ANK2: variants seen among roughly 807,000 people sequenced by gnomAD.
The protein encoded by ANK2 is ankyrin-2.
In ANK2, 83 loss-of-function variants were observed where a neutral mutation model predicts 360.5. The observed-to-expected ratio is 0.23, with a 90% CI of 0.19 to 0.28. The LOEUF (loss-of-function observed/expected upper bound fraction) is 0.28, where lower values mean the gene tolerates loss of function less well. Ranked by LOEUF, ANK2 falls within the 10% of genes least tolerant of loss-of-function variation. ANK2 has a pLI of 1.00. For synonymous variants in ANK2, 1,740 were observed against 1,759.5 expected, an observed-to-expected ratio of 0.99 and a Z score of 0.28; for missense variants, 4,201 against 4,795.7, an observed-to-expected ratio of 0.88 and a Z score of 3.66.
intron 1 of ANK2, among the ~76,000 whole-genome samples, chr4:113,069,068 G>C (rs1265509649): frequency 1.3e-5 from 2 of 151,272 alleles, no homozygotes; most frequent in Non-Finnish European, 3.0e-5. Flanking sequence ...GAAAAGAAAA[G>C]AAAAGAAGAG....
At chr4:112,707,650 G>T in the ANK2 span, among the ~76,000 whole-genome samples, 1 of 151,978 alleles carries the variant, frequency 6.6e-6, no homozygotes, top group Non-Finnish European at 1.5e-5. Context: ...TTTATATTTG[G>T]CTAAATATAT....
chr4:113,079,032 T>C (rs2081270466), intron 1 of ANK2, among the ~76,000 whole-genome samples: 1 of 152,278 alleles, frequency 6.6e-6, no homozygotes, highest in Admixed American at 6.5e-5. Context: ...CCCAGAGACG[T>C]TGACTTGCTC....
intron 22 of ANK2, among the ~76,000 whole-genome samples, chr4:113,300,310 T>C (rs773900424): frequency 1.3e-5 from 2 of 152,216 alleles, no homozygotes; most frequent in Non-Finnish European, 2.9e-5. Context: ...CAGGAGACTT[T>C]CTTTACTTTC....
chr4:112,823,571 CAA>C (rs34386421), intron 1 of ANK2, among the ~76,000 whole-genome samples: 26 of 143,408 alleles, frequency 1.8e-4, no homozygotes, highest in Admixed American at 7.5e-4. Flanking sequence ...AGAGGAAATG[CAA>C]AAAAAAAAAA....
rs1280520451 is a variant in ANK2 at position 113,232,275 on chromosome 4, C to A, written c.483+16C>A. On this transcript the variant is annotated intron_variant, in intron 5 of 45. Coordinates refer to ENST00000357077, the MANE Select transcript of ANK2 (RefSeq NM_001148.6). ...TGCTACAGAGGTAAGACTGTCAGCC[C>A]TAAAGCCTTGAATTCTTTGATCTTA... The A allele has an allele frequency of 6.5e-7, 1 of 1,530,794 alleles. No individual in the cohort carries two copies. Among genetic ancestry groups the A allele is most frequent in the Non-Finnish European group, 9.1e-7 (1 of 1,104,928 alleles). The allele number at this position is 1,530,794 out of a possible 1,614,324, so 94.8% of individuals were successfully genotyped here. A position where few individuals can be genotyped will look rare whatever the true frequency, so the allele number is the denominator to read the frequency against.
chr4:112,835,379 C>T (rs2060776677), intron 1 of ANK2, among the ~76,000 whole-genome samples: 3 of 152,078 alleles, frequency 2.0e-5, no homozygotes, highest in South Asian at 2.1e-4. Flanking sequence ...AAAGTATTTG[C>T]TCTTTTTGGT....
intron 4 of ANK2, among the ~76,000 whole-genome samples, chr4:113,203,047 C>T (rs563373995): frequency 3.3e-5 from 5 of 152,056 alleles, no homozygotes; most frequent in Non-Finnish European, 7.4e-5. Context: ...TCCATGGTGC[C>T]GGAATTATGG....
chr4:112,798,276 A>G, the ANK2 span: 1 of 152,176 alleles, frequency 6.6e-6, no homozygotes, highest in Non-Finnish European at 1.5e-5. Flanking sequence ...TGACAGAAAT[A>G]GTTTTTACAA....
At chr4:113,273,283 T>C (rs1446670521) in intron 14 of ANK2, among the ~76,000 whole-genome samples, 1 of 152,244 alleles carries the variant, frequency 6.6e-6, no homozygotes, top group Non-Finnish European at 1.5e-5. Flanking sequence ...ATACATTTTA[T>C]GCTTTCCTTT....
chr4:112,917,950 C>T (rs1332315664), intron 2 of ANK2, among the ~76,000 whole-genome samples: 2 of 152,112 alleles, frequency 1.3e-5, no homozygotes, highest in South Asian at 2.1e-4. Context: ...AGGCTAGTAC[C>T]TCAAAGCACT....
intron 1 of ANK2, among the ~76,000 whole-genome samples, chr4:113,165,712 CTACAGAGT>C (rs2097728128): frequency 6.6e-6 from 1 of 152,040 alleles, no homozygotes; most frequent in South Asian, 2.1e-4. Flanking sequence ...TTAACTTTTG[CTACAGAGT>C]TTAATGGCTA....
At chr4:112,944,960 T>C (rs895537431) in intron 2 of ANK2, among the ~76,000 whole-genome samples, 2 of 152,236 alleles carry the variant, frequency 1.3e-5, no homozygotes, top group African/African-American at 4.8e-5. Context: ...GGCAAGAATT[T>C]ATATGAGTTA....
chr4:112,958,173 C>T (rs1425940763), intron 2 of ANK2, among the ~76,000 whole-genome samples: 2 of 152,096 alleles, frequency 1.3e-5, no homozygotes, highest in Non-Finnish European at 2.9e-5. Flanking sequence ...CAGAGAGGCT[C>T]CTCACTTCCC....
chr4:113,002,331 G>A (rs992852414), intron 2 of ANK2, among the ~76,000 whole-genome samples: 4 of 152,202 alleles, frequency 2.6e-5, no homozygotes, highest in Non-Finnish European at 5.9e-5. Flanking sequence ...AACAATGGTA[G>A]ACTGGATTAA....
At chr4:112,928,969 C>T (rs915419829) in intron 2 of ANK2, among the ~76,000 whole-genome samples, 2 of 151,776 alleles carry the variant, frequency 1.3e-5, no homozygotes, top group African/African-American at 4.8e-5. Context: ...TCTTCTGTCT[C>T]AGCCTCCTGA....
In ANK2 at chr4:113,192,903, T is replaced by C. The variant is rs191693223; in HGVS notation, c.187-3465T>C. ...CTACCATATTCAGTGTCATTCTCTA[T>C]ATTTTAGGGATTGCATTATTTAAAA... On this transcript the variant is annotated intron_variant, in intron 2 of 45. Coordinates refer to ENST00000357077, the MANE Select transcript of ANK2 (RefSeq NM_001148.6). 5.4e-5 allele frequency among the ~76,000 whole-genome samples: 8 copies of C among 147,752 alleles called. No individual in the cohort carries two copies. The East Asian group carries it at 1.6e-3, about 29-fold the overall frequency.
the ANK2 span, among the ~76,000 whole-genome samples, chr4:112,742,181 C>T: frequency 1.3e-5 from 2 of 152,064 alleles, no homozygotes; most frequent in African/African-American, 4.8e-5. Flanking sequence ...ACTTGGGAGG[C>T]TGAGGCAGGA....
At chr4:113,195,259 T>C (rs1031210234) in intron 2 of ANK2, among the ~76,000 whole-genome samples, 29 of 152,200 alleles carry the variant, frequency 1.9e-4, no homozygotes, top group African/African-American at 7.0e-4. Flanking sequence ...GAATTAACAA[T>C]GAAATATTAT....
intron 1 of ANK2, among the ~76,000 whole-genome samples, chr4:113,096,636 T>C (rs2091157715): frequency 6.6e-6 from 1 of 152,214 alleles, no homozygotes; most frequent in African/African-American, 2.4e-5. Flanking sequence ...GACCATACTT[T>C]GCTTTAGATG....
Sources: gnomAD v4.1 joint callset for allele counts (sites outside exome capture counted in the v4.1 genomes callset) on GRCh38, gnomAD v4.1.1 for gene constraint, MANE v1.5 for transcripts, NCBI Gene and HGNC (gene_info 2026-07-23, HGNC 2026-07-21) for gene names.